The following MYO5B variants were observed in gnomAD, a reference collection of about 807,000 sequenced individuals.
MYO5B encodes the protein myosin VB.
A neutral mutation model predicts 229.3 loss-of-function variants in MYO5B; 143 were observed. The observed-to-expected ratio is 0.62, with a 90% CI of 0.54 to 0.72. MYO5B has a LOEUF of 0.72. Among genes scored for constraint, MYO5B ranks in the 30% least tolerant of loss-of-function variants. The pLI is 0.00. For missense variants in MYO5B, 2,321 were observed against 2,331.0 expected (o/e 1.00, Z 0.09); for synonymous variants, 918 against 885.2 (o/e 1.04, Z -0.66).
intron 1 of MYO5B, among the ~76,000 whole-genome samples, chr18:50,153,056 T>C (rs1014061936): frequency 2.0e-5 from 3 of 152,192 alleles, no homozygotes; most frequent in Non-Finnish European, 2.9e-5. Context: ...GGCTGTCTTA[T>C]TGACATAGCT....
At chr18:50,139,978 A>G (rs574946874) in intron 1 of MYO5B, among the ~76,000 whole-genome samples, 1 of 152,222 alleles carries the variant, frequency 6.6e-6, no homozygotes, top group South Asian at 2.1e-4. Flanking sequence ...TCAGAAAAGT[A>G]TAATTCAGAA....
chr18:49,912,877 A>G (rs996026428), intron 17 of MYO5B, among the ~76,000 whole-genome samples: 10 of 152,192 alleles, frequency 6.6e-5, no homozygotes, highest in African/African-American at 2.4e-4. Flanking sequence ...GCACAGCTTT[A>G]TTTTCAAATG....
intron 23 of MYO5B, 31 bp from the exon 24 acceptor site, chr18:49,879,121 TC>T (rs763608647): frequency 1.2e-6 from 2 of 1,614,026 alleles, no homozygotes; most frequent in Non-Finnish European, 1.7e-6. Context: ...CTGCAGTTTT[TC>T]TGGATGGATT....
chr18:50,154,169 G>A (rs1826726655), intron 1 of MYO5B, among the ~76,000 whole-genome samples: 1 of 152,142 alleles, frequency 6.6e-6, no homozygotes, highest in South Asian at 2.1e-4. Flanking sequence ...AATAGCAGTG[G>A]CTACCTCTGA....
At chr18:49,905,120 C>T (rs1205757028) in intron 19 of MYO5B, among the ~76,000 whole-genome samples, 1 of 152,204 alleles carries the variant, frequency 6.6e-6, no homozygotes, top group African/African-American at 2.4e-5. Flanking sequence ...GAGCACTCTT[C>T]TACCTCACTG....
chr18:50,039,400 C>T (rs61587344), intron 3 of MYO5B, among the ~76,000 whole-genome samples: 1,886 of 152,192 alleles, frequency 0.012, 31 homozygotes, highest in African/African-American at 0.043. Context: ...GGCGCGATCT[C>T]GGCTCACTGC....
intron 1 of MYO5B, among the ~76,000 whole-genome samples, chr18:50,149,667 C>A (rs1178476242): frequency 3.3e-5 from 5 of 150,582 alleles, no homozygotes; most frequent in African/African-American, 1.2e-4. Context: ...TTCCTTACAC[C>A]TTATACAAAA....
intron 1 of MYO5B, among the ~76,000 whole-genome samples, chr18:50,144,079 A>G (rs1212801183): frequency 2.0e-5 from 3 of 152,186 alleles, no homozygotes; most frequent in African/African-American, 7.2e-5. Context: ...GTAACATCAC[A>G]GTGAGTCACA....
chr18:50,011,405 C>T (rs1336305241), intron 4 of MYO5B, among the ~76,000 whole-genome samples: 3 of 152,164 alleles, frequency 2.0e-5, no homozygotes, highest in Non-Finnish European at 4.4e-5. Context: ...ACAAGTTGTC[C>T]ACACTGGTAT....
At chr18:50,015,814 C>T (rs1471889878) in intron 4 of MYO5B, among the ~76,000 whole-genome samples, 6 of 152,174 alleles carry the variant, frequency 3.9e-5, no homozygotes, top group East Asian at 1.9e-4. Context: ...GTAAGCAGCA[C>T]GTCCTGCCTG....
At chr18:49,978,694 T>TACAC (rs10527520) in intron 9 of MYO5B, among the ~76,000 whole-genome samples, 4,291 of 139,064 alleles carry the variant, frequency 0.031, 82 homozygotes, top group East Asian at 0.047. Context: ...CAGCAAGTAA[T>TACAC]ACACACACAC....
chr18:50,074,547 G>A (rs888880176), intron 1 of MYO5B, among the ~76,000 whole-genome samples: 2 of 152,112 alleles, frequency 1.3e-5, no homozygotes, highest in African/African-American at 2.4e-5. Flanking sequence ...ATTCTAGCTC[G>A]ATAGGTCTTT....
rs58151125 is a variant in MYO5B at position 49,949,542 on chromosome 18, T to A, written c.1752+3718A>T. 4.0e-3 allele frequency among the ~76,000 whole-genome samples: 603 copies of A among 152,332 alleles called. 6 individuals are homozygous for A. The highest frequency in any genetic ancestry group is 0.014 in the African/African-American group (571 of 41,566). ...TCTCATTAACACCCTGTTATTTCAC[T>A]GCTCGTAGTGGGAGTTCTTCGAACA... On this transcript the variant is annotated intron_variant, in intron 14 of 39. Coordinates refer to ENST00000285039, the MANE Select transcript of MYO5B (RefSeq NM_001080467.3).
intron 31 of MYO5B, among the ~76,000 whole-genome samples, chr18:49,852,237 T>C (rs2024209837): frequency 6.6e-6 from 1 of 152,146 alleles, no homozygotes; most frequent in Non-Finnish European, 1.5e-5. Flanking sequence ...CTTTATAGGG[T>C]GATTGTTCAC....
At chr18:49,942,502 T>A (rs1183219697) in intron 14 of MYO5B, among the ~76,000 whole-genome samples, 2 of 150,172 alleles carry the variant, frequency 1.3e-5, no homozygotes, top group African/African-American at 4.9e-5. Context: ...TACAATGAAC[T>A]CAAACAAATT....
At chr18:49,945,386 T>C (rs1211715964) in intron 14 of MYO5B, among the ~76,000 whole-genome samples, 1 of 152,064 alleles carries the variant, frequency 6.6e-6, no homozygotes, top group Non-Finnish European at 1.5e-5. Context: ...TAGAATCCTG[T>C]CCTCACCCTA....
chr18:50,172,612 T>C (rs1308063362), intron 1 of MYO5B, among the ~76,000 whole-genome samples: 1 of 152,238 alleles, frequency 6.6e-6, no homozygotes, highest in Non-Finnish European at 1.5e-5. Flanking sequence ...AAAGTGAAAC[T>C]ATGGTGATGT....
intron 22 of MYO5B, among the ~76,000 whole-genome samples, chr18:49,883,427 C>T (rs2024609763): frequency 6.6e-6 from 1 of 151,990 alleles, no homozygotes; most frequent in Admixed American, 6.6e-5. Flanking sequence ...ATAAATTTAA[C>T]AAGAGAAGTA....
intron 24 of MYO5B, among the ~76,000 whole-genome samples, chr18:49,878,184 G>A (rs984862211): frequency 1.3e-5 from 2 of 152,032 alleles, no homozygotes; most frequent in Admixed American, 1.3e-4. Flanking sequence ...AATGCACAAA[G>A]GCAGTCACAT....
Sources: allele counts gnomAD v4.1 joint callset (sites outside exome capture counted in the v4.1 genomes callset), GRCh38; gene constraint gnomAD v4.1.1; transcripts MANE v1.5; gene names NCBI Gene and HGNC (gene_info 2026-07-23, HGNC 2026-07-21).